Variants in XKR6 observed in about 807,000 individuals in gnomAD.
XKR6 encodes the protein XK related 6, also known as XK-related protein 6.
A neutral mutation model predicts 56.7 loss-of-function variants in XKR6; 22 were observed. That is an observed-to-expected ratio of 0.39 (90% CI 0.28 to 0.55). The LOEUF (loss-of-function observed/expected upper bound fraction) is 0.55. XKR6 is among the 20% of genes least tolerant of loss of function. The pLI is 0.66. For synonymous variants in XKR6, 524 were observed against 387.8 expected, an observed-to-expected ratio of 1.35 and a Z score of -4.13; for missense variants, 852 against 889.0, an observed-to-expected ratio of 0.96 and a Z score of 0.53.
intron 1 of XKR6, among the ~76,000 whole-genome samples, chr8:10,984,732 C>CTCTCTCTCTCTCTCTATATATATATATA: frequency 7.0e-4 from 33 of 47,450 alleles, no homozygotes; most frequent in Non-Finnish European, 9.3e-4. Flanking sequence ...CTCTCTCTCT[C>CTCTCTCTCTCTCTCTATATATATATATA]TATATATATA....
At chr8:11,104,361 T>C (rs1798597017) in intron 1 of XKR6, among the ~76,000 whole-genome samples, 1 of 152,230 alleles carries the variant, frequency 6.6e-6, no homozygotes, top group African/African-American at 2.4e-5. Context: ...CTCAGTATCT[T>C]TCTTGGAAAT....
At chr8:10,927,045 C>A (rs1311496646) in intron 1 of XKR6, among the ~76,000 whole-genome samples, 1 of 152,146 alleles carries the variant, frequency 6.6e-6, no homozygotes, top group Non-Finnish European at 1.5e-5. Flanking sequence ...ACTTGGGGGT[C>A]TGAGGAGAGG....
At chr8:11,137,406 T>C in intron 1 of XKR6, 2 of 360,884 alleles carry the variant, frequency 5.5e-6, no homozygotes, top group South Asian at 2.1e-5. Flanking sequence ...ATATTCTAGC[T>C]AGAATAGTGA....
chr8:11,001,342 G>C (rs1481896840), intron 1 of XKR6, among the ~76,000 whole-genome samples: 1 of 147,154 alleles, frequency 6.8e-6, no homozygotes, highest in African/African-American at 2.7e-5. Flanking sequence ...TCATAATGTT[G>C]TTTAGGGCCA....
At chr8:11,076,486 G>A (rs1360474794) in intron 1 of XKR6, among the ~76,000 whole-genome samples, 3 of 152,198 alleles carry the variant, frequency 2.0e-5, no homozygotes, top group Non-Finnish European at 2.9e-5. Context: ...GTGACGCCAT[G>A]AGGCACTAGA....
intron 1 of XKR6, among the ~76,000 whole-genome samples, chr8:11,098,353 T>A (rs1798341535): frequency 6.6e-6 from 1 of 152,138 alleles, no homozygotes; most frequent in Non-Finnish European, 1.5e-5. Context: ...GCATTATTTC[T>A]AAGAGCTGGT....
intron 1 of XKR6, among the ~76,000 whole-genome samples, chr8:11,180,418 C>T (rs1340025128): frequency 1.3e-5 from 2 of 152,194 alleles, no homozygotes; most frequent in African/African-American, 4.8e-5. Context: ...TTTAGTATCA[C>T]CCTTGGCCTC....
chr8:11,108,683 G>C (rs978179263), intron 1 of XKR6: 2 of 215,444 alleles, frequency 9.3e-6, no homozygotes, highest in African/African-American at 4.7e-5. Flanking sequence ...AGCAATGAGC[G>C]ACCTTCAAGA....
chr8:11,068,749 TG>T (rs1470578180), intron 1 of XKR6, among the ~76,000 whole-genome samples: 1 of 152,184 alleles, frequency 6.6e-6, no homozygotes, highest in East Asian at 1.9e-4. Flanking sequence ...CCCAGCCAGC[TG>T]GACACTGATG....
intron 1 of XKR6, among the ~76,000 whole-genome samples, chr8:10,961,845 A>T (rs1802070227): frequency 6.6e-6 from 1 of 152,206 alleles, no homozygotes; most frequent in African/African-American, 2.4e-5. Flanking sequence ...TGCCAGGAGG[A>T]AGGGAGCCCG....
intron 1 of XKR6, among the ~76,000 whole-genome samples, chr8:10,953,696 A>C (rs1188582225): frequency 2.0e-5 from 3 of 152,166 alleles, no homozygotes; most frequent in African/African-American, 7.2e-5. Context: ...TACCCCTTTA[A>C]GATGTATAAT....
intron 1 of XKR6, among the ~76,000 whole-genome samples, chr8:10,935,290 T>C (rs1301050340): frequency 3.7e-5 from 5 of 135,594 alleles, no homozygotes; most frequent in Non-Finnish European, 7.9e-5. Flanking sequence ...TCTTCTCTCT[T>C]TTTTTCTTTA....
At position 11,172,423 on chromosome 8, in the gene XKR6, C is replaced by G. The variant is rs202245609; in HGVS notation, c.764+28153G>C. ...TAGTATTCCTTTAAAGCAACACAAA[C>G]AGACCAAGACACTCCACCAAGGTAC... On this transcript the variant is annotated intron_variant, in intron 1 of 2. Transcript: ENST00000416569. Among the ~76,000 whole-genome samples, 3 of 152,136 alleles carry G rather than the reference C, an allele frequency of 2.0e-5. No individual in the cohort carries two copies. The East Asian group carries it at 5.8e-4, about 29-fold the overall frequency.
intron 1 of XKR6, among the ~76,000 whole-genome samples, chr8:11,101,295 A>T (rs1798470738): frequency 1.3e-5 from 2 of 152,228 alleles, no homozygotes; most frequent in South Asian, 4.1e-4. Flanking sequence ...CTGGACTTCC[A>T]GCAAGAGGGA....
At chr8:10,999,841 G>T (rs1798199192) in intron 1 of XKR6, among the ~76,000 whole-genome samples, 1 of 152,136 alleles carries the variant, frequency 6.6e-6, no homozygotes, top group Non-Finnish European at 1.5e-5. Flanking sequence ...CAAATCATGG[G>T]GCAGGGTCAA....
intron 2 of XKR6, among the ~76,000 whole-genome samples, chr8:10,908,521 T>G (rs1800247817): frequency 6.6e-6 from 1 of 152,030 alleles, no homozygotes; most frequent in African/African-American, 2.4e-5. Context: ...TGCTGGCTCC[T>G]CAGACATGCT....
intron 1 of XKR6, among the ~76,000 whole-genome samples, chr8:11,089,732 T>A (rs1330531475): frequency 6.6e-6 from 1 of 152,222 alleles, no homozygotes; most frequent in Non-Finnish European, 1.5e-5. Context: ...TGACAAAATT[T>A]AGCGTTTTGC....
At chr8:11,002,505 C>T in intron 1 of XKR6, 1 of 358,110 alleles carries the variant, frequency 2.8e-6, no homozygotes, top group South Asian at 2.4e-5. Flanking sequence ...CCAACCGATA[C>T]ACTGAGCAAG....
chr8:10,924,195 G>A (rs550601317), intron 2 of XKR6, among the ~76,000 whole-genome samples: 1 of 152,348 alleles, frequency 6.6e-6, no homozygotes, highest in Admixed American at 6.5e-5. Flanking sequence ...TGAAGCAAGA[G>A]CACCACAGTT....
Sources: gnomAD v4.1 joint callset for allele counts (sites outside exome capture counted in the v4.1 genomes callset) on GRCh38, gnomAD v4.1.1 for gene constraint, MANE v1.5 for transcripts, NCBI Gene and HGNC (gene_info 2026-07-23, HGNC 2026-07-21) for gene names.